NELL1: variants seen among roughly 807,000 people sequenced by gnomAD.
The protein encoded by NELL1 is protein kinase C-binding protein NELL1.
NELL1 carries 76 observed loss-of-function variants against 107.4 expected under a neutral mutation model. That is an observed-to-expected ratio of 0.71 (90% CI 0.59 to 0.86). The LOEUF is 0.86. NELL1 is among the 40% of genes least tolerant of loss of function. NELL1 has a pLI of 0.00. For synonymous variants in NELL1, 353 were observed against 341.2 expected, an observed-to-expected ratio of 1.03 and a Z score of -0.38; for missense variants, 1,024 against 1,005.5, an observed-to-expected ratio of 1.02 and a Z score of -0.25.
chr11:21,082,693 T>C (rs545774695), intron 12 of NELL1, among the ~76,000 whole-genome samples: 51 of 152,268 alleles, frequency 3.3e-4, no homozygotes, highest in African/African-American at 1.1e-3. Flanking sequence ...CTCTGTCTAT[T>C]CCATTTATGT....
chr11:21,532,647 C>T (rs553826201), intron 15 of NELL1, among the ~76,000 whole-genome samples: 4 of 152,038 alleles, frequency 2.6e-5, no homozygotes, highest in Admixed American at 6.5e-5. Flanking sequence ...CTGTGTTAAT[C>T]ATGACTGGTT....
At chr11:21,557,583 T>C (rs1256603968) in intron 16 of NELL1, among the ~76,000 whole-genome samples, 1 of 151,992 alleles carries the variant, frequency 6.6e-6, no homozygotes, top group Non-Finnish European at 1.5e-5. Flanking sequence ...CTGCCCTTGT[T>C]CTCAAGCATT....
At chr11:21,163,031 A>G (rs1431362556) in intron 13 of NELL1, among the ~76,000 whole-genome samples, 1 of 152,218 alleles carries the variant, frequency 6.6e-6, no homozygotes, top group African/African-American at 2.4e-5. Flanking sequence ...AAACCTGTCT[A>G]TGAGACTGTG....
In NELL1 at chr11:20,992,654, C is replaced by T. The variant is rs114745011; in HGVS notation, c.1300+32094C>T. On this transcript the variant is annotated intron_variant, in intron 12 of 19. Transcript: ENST00000357134. ...ATAAACTTTGTCTTCTAACCAATGT[C>T]CAGGGCTGTTGCCATTGGATTGGAA... Among the ~76,000 whole-genome samples, 548 of 151,426 alleles carry T rather than the reference C, an allele frequency of 3.6e-3. 5 individuals are homozygous for T. Among genetic ancestry groups the T allele is most frequent in the African/African-American group, 0.012 (510 of 41,212 alleles).
At chr11:20,748,915 T>C (rs60806668) in intron 2 of NELL1, among the ~76,000 whole-genome samples, 3,814 of 123,622 alleles carry the variant, frequency 0.031, 173 homozygotes, top group African/African-American at 0.12. Context: ...CAGCCACCCA[T>C]CCATCCATCC....
intron 13 of NELL1, among the ~76,000 whole-genome samples, chr11:21,113,976 A>G (rs908600255): frequency 7.2e-5 from 11 of 152,022 alleles, no homozygotes; most frequent in African/African-American, 2.7e-4. Flanking sequence ...CCAGTTGCCA[A>G]TAGTAACACT....
At chr11:20,894,005 T>A (rs1428965214) in intron 5 of NELL1, among the ~76,000 whole-genome samples, 1 of 152,160 alleles carries the variant, frequency 6.6e-6, no homozygotes, top group Non-Finnish European at 1.5e-5. Flanking sequence ...TCAAACTGTA[T>A]GTTGTAGCCT....
chr11:20,791,584 G>T (rs1333104738), intron 3 of NELL1, among the ~76,000 whole-genome samples: 4 of 152,052 alleles, frequency 2.6e-5, no homozygotes, highest in South Asian at 4.2e-4. Context: ...AAATTGCCCT[G>T]GCCAGAACTT....
chr11:20,974,806 G>T (rs1851571500), intron 12 of NELL1, among the ~76,000 whole-genome samples: 1 of 152,088 alleles, frequency 6.6e-6, no homozygotes, highest in South Asian at 2.1e-4. Context: ...CAGTCAAAGG[G>T]AATCTGCTTA....
Position 21,436,391 on chromosome 11 carries a change from A to AAT in NELL1, c.1645+65452_1645+65453dup, listed in dbSNP as rs1328932858. ...AATCTTGTTCAGTTACACATCCAGG[A>AAT]ATATATATATTCCCCATAGGTTTTC... On this transcript the variant is annotated intron_variant, in intron 15 of 19. Transcript: ENST00000357134. 2.0e-5 allele frequency among the ~76,000 whole-genome samples: 3 copies of AAT among 152,054 alleles called. No homozygotes were observed. In the East Asian group the frequency reaches 5.8e-4, roughly 29 times the overall value.
At chr11:21,380,489 A>G (rs1255712004) in intron 15 of NELL1, among the ~76,000 whole-genome samples, 2 of 152,054 alleles carry the variant, frequency 1.3e-5, no homozygotes, top group Non-Finnish European at 2.9e-5. Context: ...TGTTTGGAGC[A>G]GCTGAGAAGT....
intron 12 of NELL1, among the ~76,000 whole-genome samples, chr11:21,025,300 A>T (rs774890724): frequency 6.6e-6 from 1 of 151,914 alleles, no homozygotes; most frequent in Non-Finnish European, 1.5e-5. Context: ...AATTCTCACA[A>T]TTCTGTAAGG....
chr11:20,993,952 A>C (rs746753149), intron 12 of NELL1, among the ~76,000 whole-genome samples: 43 of 152,132 alleles, frequency 2.8e-4, no homozygotes, highest in Admixed American at 8.5e-4. Context: ...CATCCTCAAT[A>C]ATATTTGATG....
chr11:21,527,130 T>C (rs1855875195), intron 15 of NELL1, among the ~76,000 whole-genome samples: 1 of 152,158 alleles, frequency 6.6e-6, no homozygotes, highest in Admixed American at 6.5e-5. Flanking sequence ...TCTCTCAAGT[T>C]CAAAGTTCCA....
chr11:20,825,591 C>A (rs1857863742), intron 3 of NELL1, among the ~76,000 whole-genome samples: 1 of 151,270 alleles, frequency 6.6e-6, no homozygotes, highest in Non-Finnish European at 1.5e-5. Flanking sequence ...CCTGCAGCCT[C>A]TTTGTTTTTG....
At chr11:20,684,122 A>C (rs1854251313) in intron 2 of NELL1, among the ~76,000 whole-genome samples, 1 of 151,190 alleles carries the variant, frequency 6.6e-6, no homozygotes, top group Non-Finnish European at 1.5e-5. Context: ...AATATTTACT[A>C]AGGCCAGGTA....
intron 12 of NELL1, among the ~76,000 whole-genome samples, chr11:21,028,107 A>G (rs142167047): frequency 1.3e-5 from 2 of 152,156 alleles, no homozygotes; most frequent in African/African-American, 4.8e-5. Context: ...ACCATGTAAA[A>G]ATCTTGTGTA....
intron 13 of NELL1, among the ~76,000 whole-genome samples, chr11:21,154,253 A>G (rs1482737292): frequency 6.6e-6 from 1 of 152,202 alleles, no homozygotes; most frequent in African/African-American, 2.4e-5. Flanking sequence ...TTATAGATCT[A>G]CTGAAATATA....
chr11:20,678,666 C>G (rs1854120873), intron 2 of NELL1, among the ~76,000 whole-genome samples: 1 of 152,188 alleles, frequency 6.6e-6, no homozygotes, highest in African/African-American at 2.4e-5. Context: ...CTGGCTCTGT[C>G]TGCTTCCAAG....
Sources: gnomAD v4.1 joint callset for allele counts (sites outside exome capture counted in the v4.1 genomes callset) on GRCh38, gnomAD v4.1.1 for gene constraint, MANE v1.5 for transcripts, NCBI Gene and HGNC (gene_info 2026-07-23, HGNC 2026-07-21) for gene names.